Variants in JHY observed in about 807,000 individuals in gnomAD.
JHY encodes jhy protein homolog.
A neutral mutation model predicts 78.0 loss-of-function variants in JHY; 69 were observed. The observed-to-expected ratio is 0.88, with a 90% CI of 0.73 to 1.08. The LOEUF (loss-of-function observed/expected upper bound fraction) is 1.08, where lower values mean the gene tolerates loss of function less well. JHY is among the 50% of genes least tolerant of loss of function. JHY has a pLI of 0.00. For missense variants in JHY, 944 were observed against 927.8 expected, an observed-to-expected ratio of 1.02 and a Z score of -0.23; for synonymous variants, 368 against 342.6, an observed-to-expected ratio of 1.07 and a Z score of -0.82.
At position 122,914,337 on chromosome 11, in the gene JHY, T is replaced by C. The variant is rs189602395; in HGVS notation, c.864+9893T>C. Among the ~76,000 whole-genome samples the C allele has an allele frequency of 3.2e-3, 486 of 152,338 alleles. 4 individuals are homozygous for C. Among genetic ancestry groups the C allele is most frequent in the African/African-American group, 0.011 (475 of 41,582 alleles). On this transcript the variant is annotated intron_variant, in intron 3 of 8. Coordinates refer to ENST00000227349, the MANE Select transcript of JHY (RefSeq NM_024806.4). ...TATAAGATTAAGCTTTACCTTTATT[T>C]AAGTTATGGTCATTTTTTTGTAATT...
chr11:122,929,240 GTT>G (rs778372175), intron 4 of JHY, among the ~76,000 whole-genome samples: 5 of 80,182 alleles, frequency 6.2e-5, no homozygotes, highest in East Asian at 3.3e-4. Context: ...GTTGTTTTTT[GTT>G]TTTTTTTTTT....
In JHY at chr11:122,907,555, A is replaced by AT. The variant is rs546857868; in HGVS notation, c.864+3118dup. ...AATCACCTGAGAATTTTTAAAAGTG[A>AT]TTTTTTTGACCAGGTGCGGTGGCTC... On this transcript the variant is annotated intron_variant, in intron 3 of 8. Transcript: ENST00000227349. Among the ~76,000 whole-genome samples the AT allele has an allele frequency of 2.2e-3, 328 of 152,158 alleles. 1 individual carries two copies. The highest frequency in any genetic ancestry group is 7.4e-3 in the African/African-American group (306 of 41,498).
In JHY at chr11:122,905,609, T is replaced by G. The variant is rs1862972240; in HGVS notation, c.864+1165T>G. The G allele has an allele frequency of 1.2e-5, 12 of 993,244 alleles. No homozygotes were observed. The South Asian group carries it at 5.6e-4, about 46-fold the overall frequency. The allele number at this position is 993,244 out of a possible 1,614,324, so 61.5% of individuals were successfully genotyped here. ...GTCTGGTGGCACGTTGGCTCATGCC[T>G]GTAATCCCAGCACTTTGGGAGGTCG... On this transcript the variant is annotated intron_variant, in intron 3 of 8. Transcript: ENST00000227349.
At chr11:122,905,507 A>G in intron 3 of JHY, 1 of 1,154,538 alleles carries the variant, frequency 8.7e-7, no homozygotes, top group East Asian at 4.2e-5. Context: ...GCATTTTCTA[A>G]TGGAACAAAA....
intron 2 of JHY, among the ~76,000 whole-genome samples, chr11:122,903,552 C>G (rs191779044): frequency 6.6e-6 from 1 of 152,258 alleles, no homozygotes; most frequent in African/African-American, 2.4e-5. Flanking sequence ...GATTATAGCT[C>G]ACTGTAGCCT....
chr11:122,947,748 C>T (rs977967286), intron 6 of JHY, among the ~76,000 whole-genome samples: 1 of 152,092 alleles, frequency 6.6e-6, no homozygotes, highest in Non-Finnish European at 1.5e-5. Context: ...GATTTGCATG[C>T]AGGAGGTCTC....
At chr11:122,945,325 T>A (rs1412873935) in intron 5 of JHY, among the ~76,000 whole-genome samples, 1 of 152,210 alleles carries the variant, frequency 6.6e-6, no homozygotes, top group African/African-American at 2.4e-5. Flanking sequence ...CTAGAATTTC[T>A]ATTTGGTTCT....
chr11:122,933,481 T>C, intron 4 of JHY, among the ~76,000 whole-genome samples: 1 of 152,266 alleles, frequency 6.6e-6, no homozygotes, highest in East Asian at 1.9e-4. Context: ...TAGCACAATA[T>C]AGTTACATAG....
At position 122,959,342 on chromosome 11, in the gene JHY, A is replaced by G; in HGVS notation, c.2234A>G (p.Lys745Arg). ...CAAAAAAATCCAACCTATGCTGGGA[A>G]AGAAGAAAGTTTACCTGAAATCTCA... ...KEQKNPTYAGKEESLPEISLL... is the reference protein window; with the variant it reads ...KEQKNPTYAGREESLPEISLL... Residue 745 changes from lysine (K) to arginine (R), a missense_variant, in exon 9 of 9, where the codon AAA (lysine) becomes AGA (arginine). Coordinates refer to ENST00000227349, the MANE Select transcript of JHY (RefSeq NM_024806.4). 6.2e-7 allele frequency: 1 copy of G among 1,614,180 alleles called. No individual in the cohort carries two copies. Among genetic ancestry groups the G allele is most frequent in the Non-Finnish European group, 8.5e-7 (1 of 1,180,020 alleles).
chr11:122,929,417 T>C (rs1863589831), intron 4 of JHY, among the ~76,000 whole-genome samples: 2 of 152,162 alleles, frequency 1.3e-5, no homozygotes, highest in South Asian at 4.2e-4. Flanking sequence ...GGAGTCAGTA[T>C]CTCAGCTGCC....
chr11:122,905,441 T>C, intron 3 of JHY: 1 of 1,318,508 alleles, frequency 7.6e-7, no homozygotes, highest in Non-Finnish European at 9.6e-7. Context: ...TTAGACCTAT[T>C]CCAAATCCCA....
At chr11:122,954,353 A>G (rs569384496) in intron 6 of JHY, among the ~76,000 whole-genome samples, 1 of 152,328 alleles carries the variant, frequency 6.6e-6, no homozygotes, top group Admixed American at 6.5e-5. Context: ...GCTGAGGAGA[A>G]TGTTTGTCTT....
At chr11:122,909,854 T>C (rs1490567983) in intron 3 of JHY, among the ~76,000 whole-genome samples, 1 of 152,200 alleles carries the variant, frequency 6.6e-6, no homozygotes, top group African/African-American at 2.4e-5. Flanking sequence ...ATAGCAAGTA[T>C]ATAGGTATAC....
chr11:122,933,578 G>A (rs917962398), intron 4 of JHY, among the ~76,000 whole-genome samples: 7 of 152,198 alleles, frequency 4.6e-5, no homozygotes, highest in African/African-American at 1.2e-4. Flanking sequence ...ATTTCCCCCA[G>A]ATGTTTGATT....
intron 5 of JHY, among the ~76,000 whole-genome samples, chr11:122,937,828 T>C (rs1007395874): frequency 6.6e-6 from 1 of 152,074 alleles, no homozygotes; most frequent in African/African-American, 2.4e-5. Context: ...GCTTGAGAGG[T>C]AAATGTTTTG....
chr11:122,903,146 G>T lies in JHY; in HGVS notation c.345-779G>T, dbSNP rs113929222. Among the ~76,000 whole-genome samples, 730 of 152,318 alleles carry T rather than the reference G, an allele frequency of 4.8e-3. 7 individuals are homozygous for T. Among genetic ancestry groups the T allele is most frequent in the African/African-American group, 0.017 (691 of 41,570 alleles). ...TCCATTACAATATTGTAGGACCTCA[G>T]TCGTATATGTGGCTTGTCCTTGACC... is the stretch of plus-strand genomic sequence containing the variant. On this transcript the variant is annotated intron_variant, in intron 2 of 8. Coordinates refer to ENST00000227349, the MANE Select transcript of JHY (RefSeq NM_024806.4).
intron 3 of JHY, among the ~76,000 whole-genome samples, chr11:122,914,886 A>G (rs1199767428): frequency 6.6e-6 from 1 of 152,154 alleles, no homozygotes; most frequent in Non-Finnish European, 1.5e-5. Context: ...TACTTATGAC[A>G]GCATAATTTC....
intron 2 of JHY, 99 bp downstream of exon 2, chr11:122,886,292 A>G: frequency 8.8e-7 from 1 of 1,139,402 alleles, no homozygotes; most frequent in Admixed American, 2.8e-5. Flanking sequence ...AAGCTGCCCT[A>G]ATGAGCGCCG....
chr11:122,896,555 T>A (rs967559816), intron 2 of JHY, among the ~76,000 whole-genome samples: 1 of 152,166 alleles, frequency 6.6e-6, no homozygotes, highest in African/African-American at 2.4e-5. Flanking sequence ...AAGTCGTGAT[T>A]AAAAACTGGA....
Sources: allele counts gnomAD v4.1 joint callset (sites outside exome capture counted in the v4.1 genomes callset), GRCh38; gene constraint gnomAD v4.1.1; transcripts MANE v1.5; gene names NCBI Gene and HGNC (gene_info 2026-07-23, HGNC 2026-07-21).